The following NCMAP variants were observed in gnomAD, a reference collection of about 807,000 sequenced individuals.
NCMAP encodes noncompact myelin-associated protein.
A neutral mutation model predicts 7.8 loss-of-function variants in NCMAP; 8 were observed. That is an observed-to-expected ratio of 1.02 (90% confidence interval 0.60 to 1.84). The LOEUF is 1.84. Among genes scored for constraint, NCMAP ranks in the 40% most tolerant of loss-of-function variants. The pLI is 0.00. For missense variants in NCMAP, 112 were observed against 131.4 expected (o/e 0.85, Z 0.72); for synonymous variants, 41 against 52.9 (o/e 0.78, Z 0.98).
chr1:24,575,081 C>A (rs1158282932), intron 1 of NCMAP, among the ~76,000 whole-genome samples: 1 of 152,074 alleles, frequency 6.6e-6, no homozygotes, highest in Non-Finnish European at 1.5e-5. Context: ...TAAGCCACCA[C>A]ACCTGGCCAA....
At chr1:24,594,173 T>C (rs1652141885) in intron 1 of NCMAP, among the ~76,000 whole-genome samples, 1 of 152,114 alleles carries the variant, frequency 6.6e-6, no homozygotes, top group Non-Finnish European at 1.5e-5. Flanking sequence ...ATTACCGGCA[T>C]AAGCCACCAT....
chr1:24,598,332 A>G (rs1389197400), intron 2 of NCMAP, among the ~76,000 whole-genome samples: 2 of 152,096 alleles, frequency 1.3e-5, no homozygotes, highest in Non-Finnish European at 2.9e-5. Context: ...ACCAGTCCCC[A>G]AATCAAAAAA....
intron 1 of NCMAP, among the ~76,000 whole-genome samples, chr1:24,578,317 G>T (rs994654540): frequency 4.6e-4 from 70 of 151,950 alleles, no homozygotes; most frequent in African/African-American, 1.6e-3. Context: ...TGCTCCCGGG[G>T]GCTTTGCTGG....
At chr1:24,558,175 C>T (rs1338700211) in intron 1 of NCMAP, among the ~76,000 whole-genome samples, 1 of 152,194 alleles carries the variant, frequency 6.6e-6, no homozygotes, top group Non-Finnish European at 1.5e-5. Flanking sequence ...AGGCGCTGGA[C>T]CCCCTAAGGG....
At chr1:24,594,116 T>C (rs1212874024) in intron 1 of NCMAP, among the ~76,000 whole-genome samples, 2 of 152,000 alleles carry the variant, frequency 1.3e-5, no homozygotes, top group African/African-American at 4.8e-5. Context: ...GGTCTCAAAC[T>C]CCTGACCTCA....
At position 24,609,148 on chromosome 1, in the gene NCMAP, C is replaced by T. The variant is rs950754786; in HGVS notation, c.*3401C>T. 1.3e-5 allele frequency: 2 copies of T among 152,186 alleles called. No homozygotes were observed. The highest frequency in any genetic ancestry group is 6.5e-5 in the Admixed American group (1 of 15,282). The allele number at this position is 152,186 out of a possible 1,614,324, so 9.4% of individuals were successfully genotyped here. ...AGGTGCTACTAAGTACATTAAGACA[C>T]AATTGCTGCTCTCAAGGAGTTAGCA... On this transcript the variant is annotated 3_prime_UTR_variant, in exon 4 of 4. Transcript: ENST00000374392.
intron 2 of NCMAP, among the ~76,000 whole-genome samples, chr1:24,595,981 G>T (rs913595926): frequency 2.0e-5 from 3 of 151,976 alleles, no homozygotes; most frequent in South Asian, 4.2e-4. Context: ...TAATGATGAT[G>T]ATTATTTTTA....
intron 2 of NCMAP, among the ~76,000 whole-genome samples, chr1:24,597,663 G>GAAAAGAA (rs1167251626): frequency 0.013 from 1,735 of 137,018 alleles, 29 homozygotes; most frequent in Non-Finnish European, 0.017. Context: ...AAGAAAGAAA[G>GAAAAGAA]AAAGAAAGAA....
intron 1 of NCMAP, among the ~76,000 whole-genome samples, chr1:24,575,147 G>T (rs1214366005): frequency 6.6e-6 from 1 of 151,804 alleles, no homozygotes; most frequent in Non-Finnish European, 1.5e-5. Context: ...GGAGGCGGAG[G>T]TTGCAGTGAC....
At chr1:24,575,855 G>A (rs1651540044) in intron 1 of NCMAP, among the ~76,000 whole-genome samples, 1 of 137,396 alleles carries the variant, frequency 7.3e-6, no homozygotes. Context: ...TAAGGCAGGA[G>A]AATTGCTTGA....
intron 1 of NCMAP, among the ~76,000 whole-genome samples, chr1:24,561,153 G>A (rs1359602181): frequency 7.6e-6 from 1 of 130,752 alleles, no homozygotes; most frequent in Non-Finnish European, 1.6e-5. Flanking sequence ...GCCAACATGG[G>A]GAAACACCAT....
intron 1 of NCMAP, among the ~76,000 whole-genome samples, chr1:24,573,565 G>T (rs1651450251): frequency 6.7e-6 from 1 of 150,188 alleles, no homozygotes. Flanking sequence ...TCCAGCATGA[G>T]TGACATAGCA....
intron 3 of NCMAP, among the ~76,000 whole-genome samples, chr1:24,604,627 T>A (rs866281642): frequency 1.3e-4 from 8 of 62,610 alleles, no homozygotes; most frequent in Non-Finnish European, 1.6e-4. Context: ...TATATATATA[T>A]ATATATATAT....
intron 1 of NCMAP, among the ~76,000 whole-genome samples, chr1:24,564,386 T>C (rs896968311): frequency 6.6e-6 from 1 of 151,410 alleles, no homozygotes; most frequent in Admixed American, 6.6e-5. Flanking sequence ...GGTGGGCGCC[T>C]GTAATTCCAG....
chr1:24,578,277 A>T (rs528212734), intron 1 of NCMAP, among the ~76,000 whole-genome samples: 1 of 151,806 alleles, frequency 6.6e-6, no homozygotes, highest in African/African-American at 2.4e-5. Flanking sequence ...TGTACCAAAT[A>T]AACTACCAAT....
intron 3 of NCMAP, among the ~76,000 whole-genome samples, chr1:24,601,906 C>G: frequency 6.6e-6 from 1 of 151,768 alleles, no homozygotes; most frequent in East Asian, 1.9e-4. Flanking sequence ...CCGGGTGTGG[C>G]GGCGTGCGCC....
rs1297035609 is a variant in NCMAP at position 24,607,044 on chromosome 1, G to A, written c.*1297G>A. 4 of 150,200 alleles carry A rather than the reference G, an allele frequency of 2.7e-5. No individual in the cohort carries two copies. The highest frequency in any genetic ancestry group is 4.4e-5 in the Non-Finnish European group (3 of 67,806). 9.3% of individuals were successfully genotyped at this position (150,200 alleles called of 1,614,324 possible). On this transcript the variant is annotated 3_prime_UTR_variant, in exon 4 of 4. Coordinates refer to ENST00000374392, the MANE Select transcript of NCMAP (RefSeq NM_001010980.5). ...GAGCCTCAATCTGTCACCTGGGCTG[G>A]AGTGCAGTGGCACGCTCACAGCTCG...
intron 1 of NCMAP, among the ~76,000 whole-genome samples, chr1:24,573,488 TGAGGCAGGAGACTCACTTGAACCTGG>T (rs1430871362): frequency 6.6e-6 from 1 of 150,700 alleles, no homozygotes; most frequent in East Asian, 1.9e-4. Flanking sequence ...CTCAGGAGGC[TGAGGCAGGAGACTCACTTGAACCTGG>T]GAGGCAGAGG....
intron 1 of NCMAP, among the ~76,000 whole-genome samples, chr1:24,575,915 CAAAAAAAAAA>C (rs10549961): frequency 0.028 from 2,198 of 79,618 alleles, 63 homozygotes; most frequent in African/African-American, 0.081. Flanking sequence ...ATTGCACTCT[CAAAAAAAAAA>C]AAAAAAAAAA....
Sources: allele counts gnomAD v4.1 joint callset (sites outside exome capture counted in the v4.1 genomes callset), GRCh38; gene constraint gnomAD v4.1.1; transcripts MANE v1.5; gene names NCBI Gene and HGNC (gene_info 2026-07-23, HGNC 2026-07-21).